PHAF1: variants seen among roughly 807,000 people sequenced by gnomAD.
PHAF1 encodes phagophore assembly factor 1.
PHAF1 carries 23 observed loss-of-function variants against 63.1 expected under a neutral mutation model. The observed-to-expected ratio is 0.36, with a 90% CI of 0.26 to 0.52. The LOEUF (loss-of-function observed/expected upper bound fraction) is 0.52. Among genes scored for constraint, PHAF1 ranks in the 20% least tolerant of loss-of-function variants. The probability of loss-of-function intolerance (pLI) is 0.93; values close to 1 mark genes in which losing one functional copy is unlikely to be tolerated. For synonymous variants in PHAF1, 167 were observed against 185.0 expected (o/e 0.90, Z 0.79); for missense variants, 427 against 517.2 (o/e 0.83, Z 1.69).
chr16:67,137,356 T>G (rs1313903446), intron 8 of PHAF1, among the ~76,000 whole-genome samples: 3 of 152,158 alleles, frequency 2.0e-5, no homozygotes, highest in African/African-American at 7.2e-5. Flanking sequence ...TCTTGCTGTG[T>G]TGTCCAGGCT....
intron 3 of PHAF1, 133 bp from the exon 4 acceptor site, chr16:67,131,153 G>A (rs1469195829): frequency 2.0e-6 from 1 of 503,272 alleles, no homozygotes; most frequent in Admixed American, 4.1e-5. Flanking sequence ...AACATGCAGT[G>A]CTTCCATAAA....
Position 67,134,148 on chromosome 16 carries a change from C to T in PHAF1, c.451-20C>T. On this transcript the variant is annotated intron_variant, in intron 6 of 15. Coordinates refer to ENST00000219139, the MANE Select transcript of PHAF1 (RefSeq NM_025187.5). ...ATCACCTGTTGTGCCCTAAGTAAAA[C>T]TCTTGACCTTTGTTTGCAGCCCAAT... 6.3e-7 allele frequency: 1 copy of T among 1,599,512 alleles called. No homozygotes were observed. Among genetic ancestry groups the T allele is most frequent in the East Asian group, 2.2e-5 (1 of 44,792 alleles).
chr16:67,115,332 A>G (rs982412712), intron 1 of PHAF1, among the ~76,000 whole-genome samples: 2 of 152,182 alleles, frequency 1.3e-5, no homozygotes, highest in South Asian at 4.1e-4. Context: ...GCAGTGAGGG[A>G]AGTGAGGTGT....
chr16:67,116,657 C>G (rs1183889107), intron 1 of PHAF1, among the ~76,000 whole-genome samples: 1 of 152,168 alleles, frequency 6.6e-6, no homozygotes, highest in East Asian at 1.9e-4. Flanking sequence ...CAAGACCAGT[C>G]TGGGCAACAC....
chr16:67,145,737 G>C, intron 14 of PHAF1, 109 bp downstream of exon 14: 1 of 1,175,606 alleles, frequency 8.5e-7, no homozygotes, highest in Non-Finnish European at 1.2e-6. Flanking sequence ...AGAAGTTTCT[G>C]ATATTGCCAC....
rs2030182599 is a variant in PHAF1, at chr16:67,147,277, G to A, written c.*146G>A. 1 of 741,390 alleles carries A rather than the reference G, an allele frequency of 1.3e-6. No homozygotes were observed. Among genetic ancestry groups the A allele is most frequent in the African/African-American group, 1.8e-5 (1 of 56,784 alleles). 45.9% of individuals were successfully genotyped at this position (741,390 alleles called of 1,614,324 possible). Reference sequence around the variant, plus strand: ...ATGTTCTGAGGTTGGGCTCAGGCTGGGTGCTCTGCCATGGGCTGAGTGGCC... The same window carrying A: ...ATGTTCTGAGGTTGGGCTCAGGCTGAGTGCTCTGCCATGGGCTGAGTGGCC... On this transcript the variant is annotated 3_prime_UTR_variant, in exon 16 of 16. Coordinates refer to ENST00000219139, the MANE Select transcript of PHAF1 (RefSeq NM_025187.5).
At chr16:67,120,890 T>C (rs904165329) in intron 2 of PHAF1, among the ~76,000 whole-genome samples, 1 of 152,164 alleles carries the variant, frequency 6.6e-6, no homozygotes, top group South Asian at 2.1e-4. Context: ...TGACAGCTTA[T>C]TTCTGACATG....
At chr16:67,131,471 G>A in intron 4 of PHAF1, 142 bp downstream of exon 4, 1 of 614,860 alleles carries the variant, frequency 1.6e-6, no homozygotes, top group Admixed American at 3.1e-5. Flanking sequence ...CAACCTTCAA[G>A]CCTGCTCAGT....
Position 67,144,355 on chromosome 16 carries a change from C to T in PHAF1, c.941C>T (p.Pro314Leu). 6.2e-7 allele frequency: 1 copy of T among 1,609,702 alleles called. No homozygotes were observed. Among genetic ancestry groups the T allele is most frequent in the Non-Finnish European group, 8.5e-7 (1 of 1,175,958 alleles). The change falls in exon 11 of 16, where the codon CCT becomes CTT. Residue 314 changes from proline to leucine, a missense_variant. Physicochemically the swap from Pro to Leu is moderately conservative, Grantham distance 98 (BLOSUM62 -3). Coordinates refer to ENST00000219139, the MANE Select transcript of PHAF1 (RefSeq NM_025187.5). ...VKKFVLHTNY[P>L]GHYNFNIYHR... ...AAGTTTGTTCTACACACCAATTACC[C>T]TGGGCATTATAATTTCAACATGTGA... is the stretch of plus-strand genomic sequence containing the variant.
chr16:67,144,199 T>G, intron 10 of PHAF1, 95 bp from the exon 11 acceptor site: 1 of 801,284 alleles, frequency 1.2e-6, no homozygotes, highest in East Asian at 2.5e-5. Flanking sequence ...TGCTGTGGAG[T>G]GCACTGGATG....
chr16:67,129,566 A>G (rs1015165449), intron 3 of PHAF1, among the ~76,000 whole-genome samples: 1 of 152,256 alleles, frequency 6.6e-6, no homozygotes, highest in African/African-American at 2.4e-5. Context: ...ATGTTCCTGC[A>G]TACAATGCCC....
At chr16:67,144,094 T>G (rs979744810) in intron 10 of PHAF1, among the ~76,000 whole-genome samples, 200 bp from the exon 11 acceptor site, 3 of 152,060 alleles carry the variant, frequency 2.0e-5, no homozygotes, top group Non-Finnish European at 4.4e-5. Flanking sequence ...AGAGTGAGAC[T>G]CCATCTCAAA....
intron 3 of PHAF1, among the ~76,000 whole-genome samples, chr16:67,130,212 A>G (rs1963338767): frequency 6.6e-6 from 1 of 151,738 alleles, no homozygotes; most frequent in Admixed American, 6.6e-5. Context: ...ACGCCTGGCT[A>G]ATTTTTTGTA....
chr16:67,110,613 A>G (rs1455159763), intron 1 of PHAF1, among the ~76,000 whole-genome samples: 2 of 152,312 alleles, frequency 1.3e-5, no homozygotes, highest in African/African-American at 2.4e-5. Context: ...TACAGACTAA[A>G]TAATGGCTGA....
intron 3 of PHAF1, 97 bp downstream of exon 3, chr16:67,126,139 A>C: frequency 1.1e-6 from 1 of 940,704 alleles, no homozygotes; most frequent in South Asian, 1.4e-5. Flanking sequence ...AAAACTTATA[A>C]GTAGGTGTGG....
At chr16:67,110,358 C>T (rs1460481809) in intron 1 of PHAF1, 119 bp downstream of exon 1, 2 of 1,146,378 alleles carry the variant, frequency 1.7e-6, no homozygotes, top group South Asian at 2.8e-5. Flanking sequence ...CTCTTTCGTC[C>T]TCTCGGCTCG....
chr16:67,126,114 A>G (rs942397373), intron 3 of PHAF1, 72 bp downstream of exon 3: 7 of 1,169,214 alleles, frequency 6.0e-6, no homozygotes, highest in Middle Eastern at 1.9e-4. Flanking sequence ...AGTATGTGCT[A>G]TTGTGAGATG....
chr16:67,142,826 C>A lies in PHAF1; in HGVS notation c.880-1468C>A, dbSNP rs142966036. On this transcript the variant is annotated intron_variant, in intron 10 of 15. Transcript: ENST00000219139. ...CTCACCTGTTCCCAGTTCCCATAGG[C>A]TCTGCATAGTTCTATGGGAAAACAG... is the stretch of plus-strand genomic sequence containing the variant. Among the ~76,000 whole-genome samples the A allele has an allele frequency of 2.9e-3, 438 of 152,334 alleles. 4 individuals are homozygous for A. Among genetic ancestry groups the A allele is most frequent in the Non-Finnish European group, 3.8e-3 (257 of 68,024 alleles).
intron 2 of PHAF1, among the ~76,000 whole-genome samples, chr16:67,123,088 CTTTT>C (rs150061453): frequency 7.3e-6 from 1 of 136,618 alleles, no homozygotes. Context: ...TGATCTGATG[CTTTT>C]TTTTTTTTTT....
Sources: allele counts gnomAD v4.1 joint callset (sites outside exome capture counted in the v4.1 genomes callset), GRCh38; gene constraint gnomAD v4.1.1; transcripts MANE v1.5; gene names NCBI Gene and HGNC (gene_info 2026-07-23, HGNC 2026-07-21).